Variants in AP3M1 observed in about 807,000 individuals in gnomAD.
AP3M1 encodes AP-3 complex subunit mu-1.
A neutral mutation model predicts 42.6 loss-of-function variants in AP3M1; 29 were observed. The observed-to-expected ratio is 0.68, with a 90% CI of 0.51 to 0.93. The LOEUF (loss-of-function observed/expected upper bound fraction) is 0.93, where lower values mean the gene tolerates loss of function less well. AP3M1 is among the 40% of genes least tolerant of loss of function. The pLI, the probability that AP3M1 is intolerant of heterozygous loss-of-function variation, is 0.00. For missense variants in AP3M1, 416 were observed against 510.2 expected, an observed-to-expected ratio of 0.82 and a Z score of 1.78; for synonymous variants, 178 against 175.3, an observed-to-expected ratio of 1.02 and a Z score of -0.12.
chr10:74,129,197 C>T lies in AP3M1; in HGVS notation c.714G>A (p.Arg238=), dbSNP rs11000881. Residue 238 remains arginine (R), a synonymous_variant, in exon 6 of 9, where the codon CGG becomes CGA. Transcript: ENST00000355264. ...CTCTTTCAGATTCCCAACGCTTGAA[C>T]CGGATGCAGGGGTGAAAGCTGACAT... ...LDDVSFHPCI[R]FKRWESERVL... 4.1e-4 allele frequency: 658 copies of T among 1,614,094 alleles called. 1 individual carries two copies. The highest frequency in any genetic ancestry group is 1.6e-3 in the Middle Eastern group (10 of 6,062).
At chr10:74,129,293 C>T in intron 5 of AP3M1, 52 bp from the exon 6 acceptor site, 1 of 1,586,764 alleles carries the variant, frequency 6.3e-7, no homozygotes, top group Non-Finnish European at 8.6e-7. Flanking sequence ...AATATGGGAA[C>T]TGTACTCAGA....
Position 74,134,096 on chromosome 10 carries a change from C to T in AP3M1, c.514G>A (p.Val172Ile). 1 of 1,614,176 alleles carries T rather than the reference C, an allele frequency of 6.2e-7. No homozygotes were observed. The highest frequency in any genetic ancestry group is 1.1e-5 in the South Asian group (1 of 91,086). Reference protein sequence around the residue: ...LSNIPWRRAGVKYTNNEAYFD... With the variant: ...LSNIPWRRAGIKYTNNEAYFD... ...TAGGCTTCATTGTTTGTGTACTTTACCCCTGCCCGACGCCATGGTATGTTG... is the reference window on the plus strand; with the variant it reads ...TAGGCTTCATTGTTTGTGTACTTTATCCCTGCCCGACGCCATGGTATGTTG... The change falls in exon 4 of 9, where the codon GTA becomes ATA. Residue 172 changes from valine to isoleucine, a missense_variant. Coordinates refer to ENST00000355264, the MANE Select transcript of AP3M1 (RefSeq NM_012095.6).
At chr10:74,129,086 T>G (rs919132981) in intron 6 of AP3M1, 22 bp downstream of exon 6, 1 of 1,613,004 alleles carries the variant, frequency 6.2e-7, no homozygotes, top group African/African-American at 1.3e-5. Flanking sequence ...GATGGCAGAT[T>G]CTGGCTGATG....
chr10:74,130,640 G>T (rs1840754128), intron 4 of AP3M1, among the ~76,000 whole-genome samples: 1 of 151,896 alleles, frequency 6.6e-6, no homozygotes, highest in African/African-American at 2.4e-5. Flanking sequence ...ACAGGGTCTT[G>T]TTATGTTGCC....
rs529644972 is a variant in AP3M1, at chr10:74,127,493, AT to A, written c.804-1139del. On this transcript the variant is annotated intron_variant, in intron 6 of 8. Transcript: ENST00000355264. ...ATCCCCTCTCTAATAAAAAAAAAAA[AT>A]AACAAAAAACAAAAATTAGCTGGGC... Among the ~76,000 whole-genome samples, 50 of 151,708 alleles carry A rather than the reference AT, an allele frequency of 3.3e-4. 1 individual carries two copies. In the South Asian group the frequency reaches 6.2e-3, roughly 19 times the overall value.
At chr10:74,145,092 C>T (rs1841289844) in intron 1 of AP3M1, among the ~76,000 whole-genome samples, 2 of 152,196 alleles carry the variant, frequency 1.3e-5, no homozygotes, top group South Asian at 2.1e-4. Context: ...AAAGCACCGA[C>T]ACAGGTTATC....
intron 1 of AP3M1, among the ~76,000 whole-genome samples, chr10:74,149,291 T>A (rs1841448194): frequency 9.6e-6 from 1 of 104,576 alleles, no homozygotes; most frequent in South Asian, 3.3e-4. Context: ...TTTTTTTTTT[T>A]TTTTTTTTTT....
intron 4 of AP3M1, 142 bp downstream of exon 4, chr10:74,133,885 C>A: frequency 6.5e-6 from 6 of 923,182 alleles, no homozygotes; most frequent in Non-Finnish European, 9.5e-6. Flanking sequence ...CGAACTCTGA[C>A]CTCATGTTCC....
chr10:74,147,930 C>T (rs1408129708), intron 1 of AP3M1, among the ~76,000 whole-genome samples: 5 of 151,812 alleles, frequency 3.3e-5, no homozygotes, highest in African/African-American at 1.2e-4. Context: ...ACTCTGGAGG[C>T]GGAGGTTGCA....
intron 1 of AP3M1, among the ~76,000 whole-genome samples, chr10:74,147,819 C>T (rs766251229): frequency 4.6e-5 from 7 of 151,606 alleles, no homozygotes; most frequent in Admixed American, 1.3e-4. Context: ...GCCAACATGG[C>T]GAAACCCTGT....
Position 74,126,351 on chromosome 10 carries a change from C to T in AP3M1, c.808G>A (p.Val270Met). Residue 270 changes from valine (V) to methionine (M), a missense_variant, in exon 7 of 9, where the codon GTG (valine) becomes ATG (methionine). Val to Met is a conservative substitution (Grantham distance 21). Coordinates refer to ENST00000355264, the MANE Select transcript of AP3M1 (RefSeq NM_012095.6). Reference sequence around the variant, plus strand: ...TGTTTCACATACACTGGTATTGCCACTAGACTAAAAAGAGAAACAGAGAAA... The same window carrying T: ...TGTTTCACATACACTGGTATTGCCATTAGACTAAAAAGAGAAACAGAGAAA... ...ISYRVSSQNL[V>M]AIPVYVKHSI... 6.2e-7 allele frequency: 1 copy of T among 1,613,112 alleles called. No individual in the cohort carries two copies. Among genetic ancestry groups the T allele is most frequent in the African/African-American group, 1.3e-5 (1 of 74,986 alleles).
chr10:74,132,760 G>C (rs986107606), intron 4 of AP3M1, among the ~76,000 whole-genome samples: 1 of 151,824 alleles, frequency 6.6e-6, no homozygotes, highest in African/African-American at 2.4e-5. Flanking sequence ...GCTTTTACCA[G>C]AAGTACTGCA....
At chr10:74,146,881 A>G (rs962502458) in intron 1 of AP3M1, among the ~76,000 whole-genome samples, 4 of 142,502 alleles carry the variant, frequency 2.8e-5, no homozygotes, top group Middle Eastern at 3.5e-3. Context: ...GAGTCCTAAG[A>G]AAAAAAAAAA....
chr10:74,144,829 A>AT (rs1172788802), intron 1 of AP3M1, among the ~76,000 whole-genome samples: 1 of 151,646 alleles, frequency 6.6e-6, no homozygotes, highest in African/African-American at 2.4e-5. Context: ...TGCCCAGCTA[A>AT]TTTTTTGTAT....
rs1261651886 is a variant in AP3M1 at position 74,123,154 on chromosome 10, G to A, written c.*656C>T. On this transcript the variant is annotated 3_prime_UTR_variant, in exon 9 of 9. Coordinates refer to ENST00000355264, the MANE Select transcript of AP3M1 (RefSeq NM_012095.6). ...TGGTATTTACTGCAGCAAGGTCCCT[G>A]TAAATCAAATTCTAAGCTTTACATA... The A allele has an allele frequency of 1.3e-5, 2 of 152,654 alleles. No homozygotes were observed. The highest frequency in any genetic ancestry group is 3.9e-4 in the East Asian group (2 of 5,180). 9.5% of individuals were successfully genotyped at this position (152,654 alleles called of 1,614,324 possible). A position where few individuals can be genotyped will look rare whatever the true frequency, so the allele number is the denominator to read the frequency against.
chr10:74,136,048 A>G (rs180999875), intron 3 of AP3M1, among the ~76,000 whole-genome samples: 8 of 152,354 alleles, frequency 5.3e-5, no homozygotes, highest in Admixed American at 4.6e-4. Context: ...TTCTAGCTAC[A>G]CTCAAGAATT....
chr10:74,125,128 C>T (rs1415650818), intron 7 of AP3M1, among the ~76,000 whole-genome samples: 2 of 152,098 alleles, frequency 1.3e-5, no homozygotes, highest in Non-Finnish European at 2.9e-5. Flanking sequence ...TACAGGCATG[C>T]GCCACCATGC....
chr10:74,131,035 G>A (rs1041741512), intron 4 of AP3M1, among the ~76,000 whole-genome samples: 16 of 152,018 alleles, frequency 1.1e-4, no homozygotes, highest in African/African-American at 2.9e-4. Context: ...TCGCTTGAAC[G>A]TAGAAGGCGG....
In AP3M1 at chr10:74,134,178, A is replaced by G; in HGVS notation, c.446-14T>C. On this transcript the variant is annotated splice_polypyrimidine_tract_variant and intron_variant, in intron 3 of 8. Transcript: ENST00000355264. ...CATTACTACTGCCTAGAAACCAAAA[A>G]AGGAGAAGGCAAAGCTGATGTATAA... The G allele has an allele frequency of 6.2e-7, 1 of 1,611,380 alleles. No individual in the cohort carries two copies. The highest frequency in any genetic ancestry group is 8.5e-7 in the Non-Finnish European group (1 of 1,178,982).
Sources: allele counts gnomAD v4.1 joint callset (sites outside exome capture counted in the v4.1 genomes callset), GRCh38; gene constraint gnomAD v4.1.1; transcripts MANE v1.5; gene names NCBI Gene and HGNC (gene_info 2026-07-23, HGNC 2026-07-21).